KCNIP4: variants seen among roughly 807,000 people sequenced by gnomAD.
The protein encoded by KCNIP4 is potassium voltage-gated channel interacting protein 4.
Under a neutral mutation model 34.0 loss-of-function variants are expected in KCNIP4, and 12 were observed. The ratio of observed to expected loss-of-function variants is 0.35; its 90% confidence interval spans 0.23 to 0.57. KCNIP4 has a LOEUF of 0.57. Ranked by LOEUF, KCNIP4 falls within the 20% of genes least tolerant of loss-of-function variation. The probability of loss-of-function intolerance (pLI) is 0.83; values close to 1 mark genes in which losing one functional copy is unlikely to be tolerated. For synonymous variants in KCNIP4, 124 were observed against 102.2 expected, an observed-to-expected ratio of 1.21 and a Z score of -1.29; for missense variants, 238 against 311.7, an observed-to-expected ratio of 0.76 and a Z score of 1.78.
intron 3 of KCNIP4, among the ~76,000 whole-genome samples, chr4:20,781,171 C>T (rs16869965): frequency 0.21 from 32,346 of 152,006 alleles, 4,148 homozygotes; most frequent in Admixed American, 0.29. Context: ...AAAGACCAGT[C>T]GGAAGATGAA....
intron 1 of KCNIP4, chr4:21,730,121 A>T (rs935007661): frequency 6.6e-6 from 1 of 152,156 alleles, no homozygotes; most frequent in Non-Finnish European, 1.5e-5. Flanking sequence ...TGCTGGAAGA[A>T]GATGTCAAAA....
intron 1 of KCNIP4, among the ~76,000 whole-genome samples, chr4:20,921,186 G>A (rs887860983): frequency 5.9e-5 from 9 of 152,100 alleles, no homozygotes; most frequent in Admixed American, 1.3e-4. Context: ...AGGTGTTCCC[G>A]AGGCAAAACT....
chr4:21,525,689 C>CTTG (rs1735913404), intron 1 of KCNIP4, among the ~76,000 whole-genome samples: 1 of 151,812 alleles, frequency 6.6e-6, no homozygotes, highest in Non-Finnish European at 1.5e-5. Flanking sequence ...TCCTATTCTT[C>CTTG]TGGTTGTTTT....
chr4:21,816,004 G>C (rs1721964899), intron 1 of KCNIP4, among the ~76,000 whole-genome samples: 1 of 152,118 alleles, frequency 6.6e-6, no homozygotes, highest in African/African-American at 2.4e-5. Flanking sequence ...TTAATAATGA[G>C]GGTGAATCTC....
At chr4:21,631,226 C>T (rs1478970272) in intron 1 of KCNIP4, among the ~76,000 whole-genome samples, 3 of 152,022 alleles carry the variant, frequency 2.0e-5, no homozygotes, top group Non-Finnish European at 4.4e-5. Context: ...ATAAAACATG[C>T]TTCATAATAA....
chr4:21,198,292 C>T (rs1377638542), intron 1 of KCNIP4, among the ~76,000 whole-genome samples: 1 of 152,146 alleles, frequency 6.6e-6, no homozygotes, highest in African/African-American at 2.4e-5. Flanking sequence ...GAGTTTTAAC[C>T]TCTAGAGCCA....
chr4:21,907,294 C>T (rs12506544), intron 1 of KCNIP4, among the ~76,000 whole-genome samples: 65,114 of 151,944 alleles, frequency 0.43, 15,865 homozygotes, highest in East Asian at 0.61. Flanking sequence ...AAAGCAAGGC[C>T]GCCCCTCACA....
intron 1 of KCNIP4, among the ~76,000 whole-genome samples, chr4:21,714,672 T>C (rs1470200489): frequency 6.6e-6 from 1 of 151,980 alleles, no homozygotes; most frequent in Non-Finnish European, 1.5e-5. Flanking sequence ...TCCTTCCCCA[T>C]TCAACACATT....
At chr4:21,338,264 C>CAAAAAA (rs869150288) in intron 1 of KCNIP4, among the ~76,000 whole-genome samples, 3 of 50,032 alleles carry the variant, frequency 6.0e-5, no homozygotes, top group South Asian at 7.9e-4. Context: ...GACTCCTTCT[C>CAAAAAA]AAAAAAAAAA....
chr4:21,646,349 C>A (rs563378470), intron 1 of KCNIP4, among the ~76,000 whole-genome samples: 1 of 152,116 alleles, frequency 6.6e-6, no homozygotes, highest in Non-Finnish European at 1.5e-5. Context: ...TGCTTACCTA[C>A]AGAAGTTAAG....
At chr4:21,565,418 T>C (rs1181022310) in intron 1 of KCNIP4, among the ~76,000 whole-genome samples, 2 of 152,120 alleles carry the variant, frequency 1.3e-5, no homozygotes, top group Admixed American at 6.5e-5. Context: ...AATGATCACA[T>C]TGGGTGTTAA....
chr4:21,731,258 C>G (rs1400437227), intron 1 of KCNIP4, among the ~76,000 whole-genome samples: 1 of 152,022 alleles, frequency 6.6e-6, no homozygotes, highest in African/African-American at 2.4e-5. Context: ...CTCATATTAT[C>G]TAGCTTCTTT....
At chr4:20,795,775 T>C (rs1713369982) in intron 3 of KCNIP4, among the ~76,000 whole-genome samples, 1 of 152,226 alleles carries the variant, frequency 6.6e-6, no homozygotes, top group African/African-American at 2.4e-5. Flanking sequence ...ACAGATCTAT[T>C]GTCACAGTGC....
At chr4:21,683,906 C>T (rs548902147) in intron 1 of KCNIP4, among the ~76,000 whole-genome samples, 140 of 152,002 alleles carry the variant, frequency 9.2e-4, no homozygotes, top group Non-Finnish European at 1.6e-3. Context: ...GTTCTCACTT[C>T]TAAGTGGGAG....
chr4:21,865,928 CAT>C (rs10687424), intron 1 of KCNIP4, among the ~76,000 whole-genome samples: 1 of 148,966 alleles, frequency 6.7e-6, no homozygotes. Context: ...TATGGTGTCT[CAT>C]ATATATATAT....
intron 1 of KCNIP4, among the ~76,000 whole-genome samples, chr4:21,264,203 T>C (rs1382007632): frequency 1.3e-5 from 1 of 78,868 alleles, no homozygotes; most frequent in African/African-American, 4.9e-5. Flanking sequence ...TTCAGCAATC[T>C]ACAAATAAAT....
chr4:21,152,315 G>A (rs1029657209), intron 1 of KCNIP4, among the ~76,000 whole-genome samples: 1 of 152,058 alleles, frequency 6.6e-6, no homozygotes, highest in Non-Finnish European at 1.5e-5. Flanking sequence ...CTAACTTACT[G>A]TCTAATTTCT....
At chr4:21,409,432 GC>G (rs1724296243) in intron 1 of KCNIP4, among the ~76,000 whole-genome samples, 1 of 152,006 alleles carries the variant, frequency 6.6e-6, no homozygotes, top group Admixed American at 6.6e-5. Context: ...TTGTGGATCC[GC>G]TTTTCTGAAC....
At chr4:20,818,978 G>A (rs1578693366) in intron 3 of KCNIP4, among the ~76,000 whole-genome samples, 1 of 120,954 alleles carries the variant, frequency 8.3e-6, no homozygotes, top group Non-Finnish European at 1.6e-5. Context: ...TCTGCCTCCT[G>A]AGTTCAAGCG....
Sources: allele counts gnomAD v4.1 joint callset (sites outside exome capture counted in the v4.1 genomes callset), GRCh38; gene constraint gnomAD v4.1.1; transcripts MANE v1.5; gene names NCBI Gene and HGNC (gene_info 2026-07-23, HGNC 2026-07-21).